STATH: variants seen among roughly 807,000 people sequenced by gnomAD.
The protein encoded by STATH is statherin.
A neutral mutation model predicts 13.3 loss-of-function variants in STATH; 11 were observed. That is an observed-to-expected ratio of 0.83 (90% CI 0.52 to 1.37). The LOEUF (loss-of-function observed/expected upper bound fraction) is 1.37. Among genes scored for constraint, STATH ranks in the 40% most tolerant of loss-of-function variants. STATH has a pLI of 0.00. For missense variants in STATH, 78 were observed against 73.3 expected (o/e 1.06, Z -0.24); for synonymous variants, 25 against 23.6 (o/e 1.06, Z -0.17).
rs1277997551 is a variant in STATH, at chr4:70,002,346, G to T, written c.*191G>T. ...TTTCAGGATACTTGCCTTTTCAATT[G>T]TCACTTGATGATATAATTGCAATTT... On this transcript the variant is annotated 3_prime_UTR_variant, in exon 6 of 6. Transcript: ENST00000246895. The T allele has an allele frequency of 1.3e-5, 2 of 151,500 alleles. No homozygotes were observed. Among genetic ancestry groups the T allele is most frequent in the African/African-American group, 2.4e-5 (1 of 41,292 alleles). 9.4% of individuals were successfully genotyped at this position (151,500 alleles called of 1,614,324 possible).
At chr4:69,999,867 A>G in intron 4 of STATH, 58 bp downstream of exon 4, 3 of 1,579,712 alleles carry the variant, frequency 1.9e-6, no homozygotes, top group Admixed American at 1.7e-5. Context: ...CTGATTACTT[A>G]TTCTTCTAGA....
rs1724503660 is a variant in STATH at position 69,996,362 on chromosome 4, G to T, written c.-16+337G>T. On this transcript the variant is annotated intron_variant, in intron 1 of 5. Transcript: ENST00000246895. ...CTTACTACTTTTACCTTTATTCGAA[G>T]TTCATATTTTAAGAAAATAGCATAC... Among the ~76,000 whole-genome samples, 3 of 151,980 alleles carry T rather than the reference G, an allele frequency of 2.0e-5. No individual in the cohort carries two copies. In the South Asian group the frequency reaches 6.2e-4, roughly 31 times the overall value.
At chr4:69,998,184 T>C (rs17641990) in intron 1 of STATH, among the ~76,000 whole-genome samples, 9,770 of 152,214 alleles carry the variant, frequency 0.064, 416 homozygotes, top group Middle Eastern at 0.14. Flanking sequence ...TCTTGGTCTG[T>C]GTAAGGTGTT....
chr4:69,998,459 T>C lies in STATH; in HGVS notation c.22T>C (p.Phe8Leu). ...AACTATGAAGTTCCTTGTCTTTGCC[T>C]TCATCTTGGCTCTCATGGTTTCCAT... MKFLVFA[F>L]ILALMVSMIG... The change falls in exon 2 of 6, where the codon TTC (phenylalanine) becomes CTC (leucine). Residue 8 changes from phenylalanine to leucine, a missense_variant. By Grantham distance (22) the Phe-to-Leu change is conservative. Coordinates refer to ENST00000246895, the MANE Select transcript of STATH (RefSeq NM_003154.3). The C allele has an allele frequency of 6.2e-7, 1 of 1,612,764 alleles. No individual in the cohort carries two copies. Among genetic ancestry groups the C allele is most frequent in the Non-Finnish European group, 8.5e-7 (1 of 1,179,152 alleles).
At chr4:69,997,023 C>T (rs1040650943) in intron 1 of STATH, among the ~76,000 whole-genome samples, 1 of 150,848 alleles carries the variant, frequency 6.6e-6, no homozygotes, top group African/African-American at 2.4e-5. Flanking sequence ...CCGCAACCTC[C>T]ACCTCCCGGG....
intron 5 of STATH, among the ~76,000 whole-genome samples, chr4:70,001,376 G>C (rs974163121): frequency 2.0e-5 from 3 of 151,800 alleles, no homozygotes; most frequent in Non-Finnish European, 2.9e-5. Flanking sequence ...GATCAGAAAG[G>C]TTTGTAGTTA....
chr4:69,997,793 A>G (rs1044490505), intron 1 of STATH, among the ~76,000 whole-genome samples: 6 of 152,094 alleles, frequency 3.9e-5, no homozygotes, highest in African/African-American at 1.4e-4. Context: ...TTAATGTTCT[A>G]ATCTGAAGGT....
intron 1 of STATH, among the ~76,000 whole-genome samples, chr4:69,996,471 A>G (rs778361281): frequency 6.6e-6 from 1 of 152,158 alleles, no homozygotes; most frequent in Non-Finnish European, 1.5e-5. Context: ...AACATTTCTC[A>G]CTACCTTTTC....
intron 4 of STATH, among the ~76,000 whole-genome samples, chr4:70,000,613 G>A (rs1724629448): frequency 6.6e-6 from 1 of 151,746 alleles, no homozygotes; most frequent in South Asian, 2.1e-4. Context: ...CCTATAATCG[G>A]TGTTCCTGCA....
At chr4:69,999,885 A>G in intron 4 of STATH, 76 bp downstream of exon 4, 4 of 1,534,488 alleles carry the variant, frequency 2.6e-6, no homozygotes, top group East Asian at 2.3e-5. Flanking sequence ...AGAAGAACCA[A>G]TACTTATTTC....
chr4:70,000,586 C>T (rs1467013742), intron 4 of STATH, among the ~76,000 whole-genome samples: 1 of 151,704 alleles, frequency 6.6e-6, no homozygotes, highest in Non-Finnish European at 1.5e-5. Flanking sequence ...AAATTTAAAA[C>T]CTCTTTGGAG....
intron 4 of STATH, chr4:70,000,348 A>G (rs115602954): frequency 0.021 from 3,434 of 160,364 alleles, 54 homozygotes; most frequent in East Asian, 0.039. Flanking sequence ...AATATAGTGA[A>G]TACATGGATT....
chr4:70,000,715 A>G lies in STATH; in HGVS notation c.103-148A>G. 4 of 624,672 alleles carry G rather than the reference A, an allele frequency of 6.4e-6. No homozygotes were observed. In the South Asian group the frequency reaches 8.4e-5, roughly 13 times the overall value. The allele number at this position is 624,672 out of a possible 1,614,324, so 38.7% of individuals were successfully genotyped here. On this transcript the variant is annotated intron_variant, in intron 4 of 5. Transcript: ENST00000246895. Reference sequence around the variant, plus strand: ...CTTTTAAAATGTGTTTATAACCAAAAAGAAAAATCTAATTGAAAGTTTGGA... The same window carrying G: ...CTTTTAAAATGTGTTTATAACCAAAGAGAAAAATCTAATTGAAAGTTTGGA...
rs890340292 is a variant in STATH at position 70,001,300 on chromosome 4, A to T, written c.*33+318A>T. ...TCTCGTCAAAAAATTGTGTATTATGATAACACTTAAATGTGCTTTTTAGAA... is the reference window on the plus strand; with the variant it reads ...TCTCGTCAAAAAATTGTGTATTATGTTAACACTTAAATGTGCTTTTTAGAA... On this transcript the variant is annotated intron_variant, in intron 5 of 5. Transcript: ENST00000246895. Among the ~76,000 whole-genome samples the T allele has an allele frequency of 3.9e-5, 6 of 151,908 alleles. No homozygotes were observed. In the South Asian group the frequency reaches 1.2e-3, roughly 31 times the overall value.
chr4:70,000,777 T>C (rs922593064), intron 4 of STATH, 86 bp from the exon 5 acceptor site: 1 of 984,250 alleles, frequency 1.0e-6, no homozygotes, highest in East Asian at 2.4e-5. Context: ...TTCCTAAAAC[T>C]TTAACAATCT....
At chr4:70,001,561 C>T (rs1174846062) in intron 5 of STATH, among the ~76,000 whole-genome samples, 1 of 151,756 alleles carries the variant, frequency 6.6e-6, no homozygotes, top group African/African-American at 2.4e-5. Flanking sequence ...AAATTATTAA[C>T]ATAATGCTAA....
chr4:69,996,431 T>G (rs896305508), intron 1 of STATH, among the ~76,000 whole-genome samples: 1 of 152,208 alleles, frequency 6.6e-6, no homozygotes, highest in African/African-American at 2.4e-5. Context: ...CAAGTTTAAC[T>G]TTTAAAAATT....
intron 2 of STATH, 26 bp downstream of exon 2, chr4:69,998,514 A>G (rs374652534): frequency 6.2e-6 from 10 of 1,600,328 alleles, no homozygotes; most frequent in African/African-American, 2.7e-5. Flanking sequence ...CATTTGAAGA[A>G]TATGTTCTCA....
rs568361560 is a variant in STATH, at chr4:70,001,325, AT to A, written c.*33+345del. 4.2e-3 allele frequency among the ~76,000 whole-genome samples: 636 copies of A among 151,956 alleles called. 4 individuals are homozygous for A. The highest frequency in any genetic ancestry group is 5.4e-3 in the Non-Finnish European group (366 of 67,818). ...ATAACACTTAAATGTGCTTTTTAGAATTGGTGACACTTTTGAAAGACATATC... is the reference window on the plus strand; with the variant it reads ...ATAACACTTAAATGTGCTTTTTAGAATGGTGACACTTTTGAAAGACATATC... On this transcript the variant is annotated intron_variant, in intron 5 of 5. Transcript: ENST00000246895.
Sources: allele counts gnomAD v4.1 joint callset (sites outside exome capture counted in the v4.1 genomes callset), GRCh38; gene constraint gnomAD v4.1.1; transcripts MANE v1.5; gene names NCBI Gene and HGNC (gene_info 2026-07-23, HGNC 2026-07-21).